The following AKT3 variants were observed in gnomAD, a reference collection of about 807,000 sequenced individuals.
The protein encoded by AKT3 is AKT serine/threonine kinase 3.
A neutral mutation model predicts 65.3 loss-of-function variants in AKT3; 15 were observed. The observed-to-expected ratio is 0.23, with a 90% CI of 0.15 to 0.35. AKT3 has a LOEUF of 0.35. Among genes scored for constraint, AKT3 ranks in the 10% least tolerant of loss-of-function variants. The pLI is 1.00. For synonymous variants in AKT3, 206 were observed against 183.8 expected (o/e 1.12, Z -0.98); for missense variants, 243 against 576.5 (o/e 0.42, Z 5.92).
downstream of AKT3, among the ~76,000 whole-genome samples, chr1:243,496,547 A>AG (rs59626288): frequency 0.012 from 1,753 of 152,270 alleles, 28 homozygotes; most frequent in African/African-American, 0.04. Flanking sequence ...AGCGGACAGC[A>AG]GGGGGGGAAG....
At chr1:243,740,265 A>G (rs535575108) in intron 2 of AKT3, among the ~76,000 whole-genome samples, 1 of 152,364 alleles carries the variant, frequency 6.6e-6, no homozygotes, top group South Asian at 2.1e-4. Context: ...CTGGAAAGGC[A>G]GTATACCTGA....
intron 12 of AKT3, among the ~76,000 whole-genome samples, chr1:243,520,822 C>G (rs1195354169): frequency 6.6e-6 from 1 of 152,182 alleles, no homozygotes; most frequent in Non-Finnish European, 1.5e-5. Flanking sequence ...AACGTTGAAG[C>G]TCCCTAAATT....
At chr1:243,526,245 G>A (rs148155864) in intron 12 of AKT3, among the ~76,000 whole-genome samples, 70 of 152,272 alleles carry the variant, frequency 4.6e-4, no homozygotes, top group Non-Finnish European at 7.8e-4. Context: ...CTGGAGCCCA[G>A]GAGGATAGAC....
intron 13 of AKT3, among the ~76,000 whole-genome samples, chr1:243,507,229 G>C (rs1249731655): frequency 6.6e-6 from 1 of 152,252 alleles, no homozygotes; most frequent in East Asian, 1.9e-4. Context: ...TCAGCACCCA[G>C]GTTAGCCAGA....
Position 243,550,615 on chromosome 1 carries a change from T to C in AKT3, c.1163+2114A>G, listed in dbSNP as rs187138734. On this transcript the variant is annotated intron_variant, in intron 11 of 13. Transcript: ENST00000673466. ...AACGATGAGATAAATATTCACTGCCTCGAATACCAAGCCAAATATTAGACC... is the reference window on the plus strand; with the variant it reads ...AACGATGAGATAAATATTCACTGCCCCGAATACCAAGCCAAATATTAGACC... Among the ~76,000 whole-genome samples the C allele has an allele frequency of 4.3e-3, 646 of 151,608 alleles. 3 individuals carry two copies. The highest frequency in any genetic ancestry group is 0.01 in the Middle Eastern group (3 of 294).
intron 4 of AKT3, among the ~76,000 whole-genome samples, chr1:243,653,548 T>C (rs1186183539): frequency 6.6e-6 from 1 of 152,210 alleles, no homozygotes; most frequent in South Asian, 2.1e-4. Flanking sequence ...CAATGTACCA[T>C]GCTTACTTGA....
In AKT3 at chr1:243,822,533, G is replaced by T. The variant is rs185905046; in HGVS notation, c.46+20592C>A. Among the ~76,000 whole-genome samples the T allele has an allele frequency of 1.9e-4, 28 of 150,686 alleles. No homozygotes were observed. In the East Asian group the frequency reaches 5.4e-3, roughly 29 times the overall value. Reference sequence around the variant, plus strand: ...AATTAATAAAATAGCTAGAACGCCAGCTAGATTAATAAAGAAGAAAAGAGA... The same window carrying T: ...AATTAATAAAATAGCTAGAACGCCATCTAGATTAATAAAGAAGAAAAGAGA... On this transcript the variant is annotated intron_variant, in intron 2 of 13. Transcript: ENST00000673466.
chr1:243,664,915 T>C (rs376565230), intron 3 of AKT3, 32 bp from the exon 4 acceptor site: 9 of 1,269,436 alleles, frequency 7.1e-6, no homozygotes, highest in Non-Finnish European at 9.8e-6. Flanking sequence ...TCTTTAAATA[T>C]GGATATATTT....
At chr1:243,780,826 T>C (rs1690862122) in intron 2 of AKT3, among the ~76,000 whole-genome samples, 1 of 151,914 alleles carries the variant, frequency 6.6e-6, no homozygotes, top group African/African-American at 2.4e-5. Flanking sequence ...TGCATTCAAA[T>C]ATTCCTTTGA....
chr1:243,736,046 A>G (rs1480245074), intron 2 of AKT3, among the ~76,000 whole-genome samples: 1 of 152,128 alleles, frequency 6.6e-6, no homozygotes, highest in African/African-American at 2.4e-5. Flanking sequence ...TTTAATCTGT[A>G]AAAATAAGAA....
Position 243,754,230 on chromosome 1 carries a change from A to T in AKT3, c.47-58514T>A, listed in dbSNP as rs185637634. Reference sequence around the variant, plus strand: ...CTTTGATTTGTTTGACTGAACTCCAAATTTATTATGGAGTCATTATTTTCT... The same window carrying T: ...CTTTGATTTGTTTGACTGAACTCCATATTTATTATGGAGTCATTATTTTCT... On this transcript the variant is annotated intron_variant, in intron 2 of 13. Transcript: ENST00000673466. Among the ~76,000 whole-genome samples the T allele has an allele frequency of 1.2e-4, 19 of 152,292 alleles. No individual in the cohort carries two copies. The East Asian group carries it at 3.7e-3, about 29-fold the overall frequency.
At chr1:243,651,772 G>A (rs1178299507) in intron 4 of AKT3, among the ~76,000 whole-genome samples, 1 of 152,174 alleles carries the variant, frequency 6.6e-6, no homozygotes, top group African/African-American at 2.4e-5. Flanking sequence ...TAAGCTTTCT[G>A]ATGTGCTGCT....
intron 13 of AKT3, among the ~76,000 whole-genome samples, chr1:243,510,857 C>A (rs1669967534): frequency 6.6e-6 from 1 of 152,230 alleles, no homozygotes; most frequent in Admixed American, 6.5e-5. Context: ...AATGAAAGGG[C>A]CTAGCAAAGG....
At chr1:243,584,984 T>G (rs1675684440) in intron 8 of AKT3, among the ~76,000 whole-genome samples, 1 of 152,148 alleles carries the variant, frequency 6.6e-6, no homozygotes, top group Non-Finnish European at 1.5e-5. Context: ...TGATAATGAT[T>G]CGATACTCAG....
At chr1:243,667,469 TC>T (rs1682875521) in intron 3 of AKT3, among the ~76,000 whole-genome samples, 1 of 152,046 alleles carries the variant, frequency 6.6e-6, no homozygotes, top group Non-Finnish European at 1.5e-5. Context: ...AGTCCTCTCT[TC>T]CCTGACATCA....
chr1:243,812,869 G>C (rs1693256607), intron 2 of AKT3, among the ~76,000 whole-genome samples: 1 of 152,016 alleles, frequency 6.6e-6, no homozygotes, highest in South Asian at 2.1e-4. Context: ...GTCCTTTGTA[G>C]GGACATGGAT....
intron 3 of AKT3, among the ~76,000 whole-genome samples, chr1:243,678,187 G>A (rs562018134): frequency 6.6e-6 from 1 of 152,118 alleles, no homozygotes; most frequent in East Asian, 1.9e-4. Flanking sequence ...AACTTTAAGG[G>A]GAAGGTATAG....
At chr1:243,649,354 T>C (rs1433893145) in intron 4 of AKT3, among the ~76,000 whole-genome samples, 1 of 143,678 alleles carries the variant, frequency 7.0e-6, no homozygotes, top group Non-Finnish European at 1.5e-5. Context: ...TGTGTGTGTG[T>C]GTGTATGTTG....
chr1:243,609,000 C>T (rs112646892), intron 8 of AKT3, among the ~76,000 whole-genome samples: 33,128 of 151,530 alleles, frequency 0.22, 3,878 homozygotes, highest in African/African-American at 0.28. Context: ...GATCTGCCCG[C>T]CTCAGCCTCC....
Sources: allele counts gnomAD v4.1 joint callset (sites outside exome capture counted in the v4.1 genomes callset), GRCh38; gene constraint gnomAD v4.1.1; transcripts MANE v1.5; gene names NCBI Gene and HGNC (gene_info 2026-07-23, HGNC 2026-07-21).